The following DLGAP2 variants were observed in gnomAD, a reference collection of about 807,000 sequenced individuals.
DLGAP2 encodes the protein DLG associated protein 2, also known as disks large-associated protein 2.
Under a neutral mutation model 100.3 loss-of-function variants are expected in DLGAP2, and 26 were observed. The observed-to-expected ratio is 0.26, with a 90% CI of 0.19 to 0.36. DLGAP2 has a LOEUF of 0.36. DLGAP2 is among the 10% of genes least tolerant of loss of function. The probability of loss-of-function intolerance (pLI) is 1.00; values close to 1 mark genes in which losing one functional copy is unlikely to be tolerated. For missense variants in DLGAP2, 1,858 were observed against 1,453.2 expected, an observed-to-expected ratio of 1.28 and a Z score of -4.53; for synonymous variants, 886 against 630.1, an observed-to-expected ratio of 1.41 and a Z score of -6.08.
At chr8:753,815 A>C (rs1387122988) in intron 1 of DLGAP2, 3 of 152,258 alleles carry the variant, frequency 2.0e-5, no homozygotes, top group Admixed American at 2.0e-4. Context: ...TGAGGTCTTA[A>C]AAAATCCTGC....
At chr8:1,439,041 T>G (rs1797745512) in intron 3 of DLGAP2, among the ~76,000 whole-genome samples, 1 of 152,190 alleles carries the variant, frequency 6.6e-6, no homozygotes, top group Non-Finnish European at 1.5e-5. Flanking sequence ...AAACAAAGCT[T>G]CAGTGTAGAG....
At chr8:1,536,897 C>T (rs910385188) in intron 4 of DLGAP2, among the ~76,000 whole-genome samples, 7 of 152,186 alleles carry the variant, frequency 4.6e-5, no homozygotes, top group African/African-American at 1.7e-4. Flanking sequence ...TCAGTGCTCA[C>T]AGTCGCTAAT....
In DLGAP2 at chr8:1,275,817, AAT is replaced by A. The variant is rs1799672871; in HGVS notation, c.106+16940_106+16941del. Reference sequence around the variant, plus strand: ...ATATAAATAAATATATAAGATATATAATATATAAAAATAAATATATAATATAT... The same window carrying A: ...ATATAAATAAATATATAAGATATATAATATAAAAATAAATATATAATATAT... On this transcript the variant is annotated intron_variant, in intron 3 of 14. Coordinates refer to ENST00000637795, the MANE Select transcript of DLGAP2 (RefSeq NM_001346810.2). 2.4e-5 allele frequency among the ~76,000 whole-genome samples: 3 copies of A among 124,604 alleles called. No individual in the cohort carries two copies. The South Asian group carries it at 6.6e-4, about 28-fold the overall frequency. 81.7% of individuals were successfully genotyped at this position (124,604 alleles called of 152,430 possible).
chr8:757,242 C>T (rs989673466), intron 1 of DLGAP2, among the ~76,000 whole-genome samples: 2 of 152,180 alleles, frequency 1.3e-5, no homozygotes, highest in Non-Finnish European at 2.9e-5. Context: ...ACTTTTGGGT[C>T]CCTTTTAGCA....
intron 2 of DLGAP2, among the ~76,000 whole-genome samples, chr8:1,210,496 G>A (rs976680336): frequency 2.0e-5 from 3 of 152,206 alleles, no homozygotes; most frequent in East Asian, 1.9e-4. Context: ...CCTGAGGCGG[G>A]CAGGCAGCTC....
chr8:746,721 T>C (rs1380575685), intron 1 of DLGAP2, among the ~76,000 whole-genome samples: 1 of 152,232 alleles, frequency 6.6e-6, no homozygotes, highest in African/African-American at 2.4e-5. Flanking sequence ...CTGCATATAA[T>C]AGAAAGTCCC....
At chr8:1,548,493 TC>T in intron 4 of DLGAP2, 132 bp from the exon 5 acceptor site, 3 of 193,646 alleles carry the variant, frequency 1.5e-5, no homozygotes, top group African/African-American at 5.7e-5. Context: ...AACCCACAAA[TC>T]TGCCCTCTCG....
intron 3 of DLGAP2, among the ~76,000 whole-genome samples, chr8:1,348,067 C>T (rs1585284500): frequency 6.6e-6 from 1 of 151,132 alleles, no homozygotes; most frequent in African/African-American, 2.4e-5. Flanking sequence ...GCGCTGCTCT[C>T]ATGGTAACTG....
chr8:1,308,795 G>C (rs1800549390), intron 3 of DLGAP2, among the ~76,000 whole-genome samples: 1 of 152,220 alleles, frequency 6.6e-6, no homozygotes, highest in African/African-American at 2.4e-5. Flanking sequence ...CAAGTGCTGG[G>C]ATTACAGGCA....
At chr8:1,696,762 C>G (rs1799408414) in intron 13 of DLGAP2, among the ~76,000 whole-genome samples, 1 of 152,176 alleles carries the variant, frequency 6.6e-6, no homozygotes, top group Non-Finnish European at 1.5e-5. Context: ...AGCTGGTTCC[C>G]CACTGCCACC....
chr8:1,318,603 G>A (rs929762791), intron 3 of DLGAP2, among the ~76,000 whole-genome samples: 2 of 151,614 alleles, frequency 1.3e-5, no homozygotes, highest in South Asian at 2.1e-4. Context: ...AGATTCCCCC[G>A]CCGATGTCGA....
chr8:1,019,673 G>C (rs1358807174), intron 2 of DLGAP2: 1 of 152,138 alleles, frequency 6.6e-6, no homozygotes, highest in Non-Finnish European at 1.5e-5. Context: ...GTTTGCTTTG[G>C]TGTGATTATA....
intron 2 of DLGAP2, among the ~76,000 whole-genome samples, chr8:1,159,695 G>C (rs1030932839): frequency 9.9e-5 from 15 of 152,138 alleles, no homozygotes; most frequent in Non-Finnish European, 2.9e-5. Flanking sequence ...TTTTCATTCC[G>C]CAGATGGCTG....
intron 2 of DLGAP2, among the ~76,000 whole-genome samples, chr8:1,229,632 A>G (rs1023139742): frequency 7.2e-5 from 11 of 152,140 alleles, no homozygotes; most frequent in African/African-American, 2.7e-4. Flanking sequence ...TTAACAAAAT[A>G]CTAATAAAAC....
At chr8:1,604,675 G>A (rs530917506) in intron 6 of DLGAP2, 1 of 152,172 alleles carries the variant, frequency 6.6e-6, no homozygotes, top group Non-Finnish European at 1.5e-5. Context: ...CAAGCACGCA[G>A]GAGACTGTGA....
chr8:842,382 C>T (rs373549680), intron 1 of DLGAP2, among the ~76,000 whole-genome samples: 2 of 152,200 alleles, frequency 1.3e-5, no homozygotes, highest in East Asian at 1.9e-4. Context: ...AGATGTTATT[C>T]TGTATTCCCC....
At chr8:1,500,641 C>T (rs142463454) in intron 3 of DLGAP2, among the ~76,000 whole-genome samples, 1 of 152,274 alleles carries the variant, frequency 6.6e-6, no homozygotes, top group African/African-American at 2.4e-5. Context: ...ACAAGCTTGT[C>T]TGTCTCCCCA....
chr8:1,206,732 C>T (rs923666000), intron 2 of DLGAP2, among the ~76,000 whole-genome samples: 1 of 152,222 alleles, frequency 6.6e-6, no homozygotes, highest in African/African-American at 2.4e-5. Flanking sequence ...TTAGCTGCGT[C>T]CTGGAGAACT....
intron 1 of DLGAP2, among the ~76,000 whole-genome samples, chr8:888,847 C>T (rs1370305098): frequency 6.6e-6 from 1 of 152,076 alleles, no homozygotes; most frequent in African/African-American, 2.4e-5. Flanking sequence ...TGGAGGGTCT[C>T]ACCGAGTTGG....
Sources: allele counts gnomAD v4.1 joint callset (sites outside exome capture counted in the v4.1 genomes callset), GRCh38; gene constraint gnomAD v4.1.1; transcripts MANE v1.5; gene names NCBI Gene and HGNC (gene_info 2026-07-23, HGNC 2026-07-21).